The following DNAH7 variants were observed in gnomAD, a reference collection of about 807,000 sequenced individuals.
DNAH7 encodes the protein dynein axonemal heavy chain 7, also known as axonemal beta dynein heavy chain 7.
In DNAH7, 397 loss-of-function variants were observed where a neutral mutation model predicts 444.6. The observed-to-expected ratio is 0.89, with a 90% CI of 0.82 to 0.97. The LOEUF (loss-of-function observed/expected upper bound fraction) is 0.97, where lower values mean the gene tolerates loss of function less well. DNAH7 is among the 50% of genes least tolerant of loss of function. DNAH7 has a pLI of 0.00. For missense variants in DNAH7, 4,902 were observed against 4,800.8 expected, an observed-to-expected ratio of 1.02 and a Z score of -0.62; for synonymous variants, 1,636 against 1,624.4, an observed-to-expected ratio of 1.01 and a Z score of -0.17.
chr2:195,845,226 A>T, intron 46 of DNAH7, 61 bp from the exon 47 acceptor site: 1 of 1,408,124 alleles, frequency 7.1e-7, no homozygotes, highest in Non-Finnish European at 9.7e-7. Context: ...AGCATGCTTT[A>T]TAATTCCTCA....
In DNAH7 at chr2:195,960,961, T is replaced by C. The variant is rs1691056238; in HGVS notation, c.2206-16A>G. 1 of 1,511,004 alleles carries C rather than the reference T, an allele frequency of 6.6e-7. No homozygotes were observed. Among genetic ancestry groups the C allele is most frequent in the East Asian group, 2.3e-5 (1 of 43,498 alleles). 93.6% of individuals were successfully genotyped at this position (1,511,004 alleles called of 1,614,324 possible). ...ACTGCTCAATCTGAAAGGATAAGTA[T>C]TGAATATATTAGTTATTTTGAAAGT... On this transcript the variant is annotated splice_polypyrimidine_tract_variant and intron_variant, in intron 17 of 64. Coordinates refer to ENST00000312428, the MANE Select transcript of DNAH7 (RefSeq NM_018897.3).
intron 28 of DNAH7, among the ~76,000 whole-genome samples, chr2:195,899,689 A>G (rs1341435102): frequency 6.6e-6 from 1 of 152,182 alleles, no homozygotes; most frequent in African/African-American, 2.4e-5. Flanking sequence ...CCAAGGTCAC[A>G]TTTTGCATTT....
In DNAH7 at chr2:195,960,329, T is replaced by C. The variant is rs1272192461; in HGVS notation, c.2822A>G (p.Asp941Gly). 3.1e-6 allele frequency: 5 copies of C among 1,613,936 alleles called. No individual in the cohort carries two copies. In the South Asian group the frequency reaches 5.5e-5, roughly 18 times the overall value. ...AGTTTGTGTTTTAATAATATGGTCA[T>C]CCAACAACATCTGAATTTCATCAAC... ...ASVDEIQMLL[D>G]DHIIKTQTMR... Residue 941 changes from aspartate to glycine, a missense_variant, in exon 18 of 65, where the codon GAT becomes GGT. Transcript: ENST00000312428.
chr2:195,864,538 T>C lies in DNAH7; in HGVS notation c.7117A>G (p.Thr2373Ala), dbSNP rs1265799987. 23 of 1,614,070 alleles carry C rather than the reference T, an allele frequency of 1.4e-5. No homozygotes were observed. Among genetic ancestry groups the C allele is most frequent in the Non-Finnish European group, 1.9e-5 (23 of 1,180,040 alleles). ...TTTAAATCTTCATGCCATTCAGTAG[T>C]ATCATACCCCTTAGAGATTTCAACT... Reference protein sequence around the residue: ...FQVEISKGYDTTEWHEDLKVI... With the variant: ...FQVEISKGYDATEWHEDLKVI... Residue 2373 changes from threonine to alanine, a missense_variant, in exon 41 of 65, where the codon ACT (threonine) becomes GCT (alanine). Transcript: ENST00000312428.
intron 24 of DNAH7, among the ~76,000 whole-genome samples, chr2:195,916,494 AGTT>A (rs1398414627): frequency 1.5e-5 from 2 of 131,418 alleles, no homozygotes; most frequent in African/African-American, 2.9e-5. Context: ...ATGGTCAGGC[AGTT>A]GTTAACGGTC....
intron 40 of DNAH7, among the ~76,000 whole-genome samples, chr2:195,867,363 T>C (rs545989700): frequency 1.6e-4 from 25 of 152,362 alleles, no homozygotes; most frequent in African/African-American, 5.1e-4. Flanking sequence ...GCAAAGGATA[T>C]AATTTCTGGT....
At chr2:195,785,917 G>A (rs971890596) in intron 58 of DNAH7, among the ~76,000 whole-genome samples, 1 of 151,776 alleles carries the variant, frequency 6.6e-6, no homozygotes, top group Admixed American at 6.6e-5. Flanking sequence ...CTGCATTTTT[G>A]CTCCCTTATT....
chr2:196,000,572 A>G, intron 12 of DNAH7, 132 bp downstream of exon 12: 1 of 780,414 alleles, frequency 1.3e-6, no homozygotes. Context: ...GTAGTTTTTT[A>G]GGAAAACTTT....
At chr2:195,975,199 G>A (rs116228992) in intron 15 of DNAH7, among the ~76,000 whole-genome samples, 1,777 of 152,278 alleles carry the variant, frequency 0.012, 18 homozygotes, top group Non-Finnish European at 0.017. Flanking sequence ...AAGAGACACC[G>A]AAGAGGGTAG....
chr2:195,775,803 C>T, intron 60 of DNAH7, 43 bp downstream of exon 60: 1 of 1,587,838 alleles, frequency 6.3e-7, no homozygotes, highest in Non-Finnish European at 8.6e-7. Context: ...TGGGGAGCAT[C>T]CTTCCCAGGC....
At chr2:196,046,747 TGTGA>T (rs1023055416) in intron 5 of DNAH7, among the ~76,000 whole-genome samples, 4 of 151,030 alleles carry the variant, frequency 2.6e-5, no homozygotes, top group African/African-American at 4.9e-5. Context: ...AACAGGGTCC[TGTGA>T]GTGAGTTACT....
intron 11 of DNAH7, 83 bp downstream of exon 11, chr2:196,001,592 G>A: frequency 2.4e-6 from 3 of 1,264,716 alleles, no homozygotes; most frequent in Non-Finnish European, 3.2e-6. Context: ...CCCTCTCACT[G>A]ATAGAGATGT....
chr2:195,801,483 C>T (rs1283620439), intron 54 of DNAH7, among the ~76,000 whole-genome samples: 1 of 152,064 alleles, frequency 6.6e-6, no homozygotes, highest in African/African-American at 2.4e-5. Context: ...AGCGATATCT[C>T]AAGAGAAGGA....
At chr2:196,028,882 C>T (rs1695859306) in intron 5 of DNAH7, among the ~76,000 whole-genome samples, 1 of 152,080 alleles carries the variant, frequency 6.6e-6, no homozygotes. Context: ...AAGTGGGTAT[C>T]CAGAATAGAT....
intron 49 of DNAH7, among the ~76,000 whole-genome samples, chr2:195,820,727 C>T (rs1574493217): frequency 6.6e-6 from 1 of 152,092 alleles, no homozygotes; most frequent in East Asian, 1.9e-4. Context: ...TAAAAAATGC[C>T]ATTTTGGCAT....
In DNAH7 at chr2:195,808,845, G is replaced by A; in HGVS notation, c.9920C>T (p.Thr3307Ile). The change falls in exon 53 of 65, where the codon ACT becomes ATT. Residue 3307 changes from threonine to isoleucine, a missense_variant. Physicochemically the swap from Thr to Ile is moderately conservative, Grantham distance 89. Transcript: ENST00000312428. ...INKAEWRFLL[T>I]GGIGLDNPYA... ...AGGATTATCCAGTCCAATGCCACCA[G>A]TTAGCAGAAATCTCCACTCAGCTTT... The A allele has an allele frequency of 6.2e-7, 1 of 1,613,614 alleles. No homozygotes were observed.
chr2:195,837,378 G>A (rs541732839), intron 47 of DNAH7, among the ~76,000 whole-genome samples: 1 of 152,248 alleles, frequency 6.6e-6, no homozygotes, highest in South Asian at 2.1e-4. Flanking sequence ...CTCTTTCACT[G>A]ATTACATCTA....
rs1415716388 is a variant in DNAH7 at position 195,960,922 on chromosome 2, C to G, written c.2229G>C (p.Glu743Asp). 1 of 1,604,390 alleles carries G rather than the reference C, an allele frequency of 6.2e-7. No homozygotes were observed. The highest frequency in any genetic ancestry group is 8.5e-7 in the Non-Finnish European group (1 of 1,173,864). Residue 743 changes from glutamate to aspartate, a missense_variant, in exon 18 of 65, where the codon GAG (glutamate) becomes GAC (aspartate). Transcript: ENST00000312428. The part of the protein sequence containing the change: ...ADKIEQFNAE[E>D]EAFGWLPSVY... ...CAGATGGTAGCCAACCAAATGCTTC[C>G]TCTTCAGCATTAAACTGCTCAATCT...
chr2:195,739,509 T>C (rs572483827), intron 64 of DNAH7, among the ~76,000 whole-genome samples: 1 of 152,374 alleles, frequency 6.6e-6, no homozygotes, highest in East Asian at 1.9e-4. Flanking sequence ...ATCTTAATTA[T>C]ATTTTACAAA....
Sources: gnomAD v4.1 joint callset for allele counts (sites outside exome capture counted in the v4.1 genomes callset) on GRCh38, gnomAD v4.1.1 for gene constraint, MANE v1.5 for transcripts, NCBI Gene and HGNC (gene_info 2026-07-23, HGNC 2026-07-21) for gene names.